Variants in ACTR3B observed in about 807,000 individuals in gnomAD.
ACTR3B encodes actin-related protein 3B.
Under a neutral mutation model 59.0 loss-of-function variants are expected in ACTR3B, and 8 were observed. The observed-to-expected ratio is 0.14, with a 90% CI of 0.08 to 0.24. The LOEUF is 0.24. ACTR3B is among the 10% of genes least tolerant of loss of function. The pLI is 1.00. For synonymous variants in ACTR3B, 148 were observed against 197.9 expected (o/e 0.75, Z 2.12); for missense variants, 245 against 552.3 (o/e 0.44, Z 5.58).
intron 2 of ACTR3B, 131 bp from the exon 3 acceptor site, chr7:152,800,400 A>G (rs2098231509): frequency 8.4e-7 from 1 of 1,192,508 alleles, no homozygotes; most frequent in African/African-American, 1.6e-5. Flanking sequence ...CTTTTCTGTG[A>G]GCACCCTTCA....
At chr7:152,761,927 G>C (rs2098090587) in intron 1 of ACTR3B, among the ~76,000 whole-genome samples, 1 of 152,150 alleles carries the variant, frequency 6.6e-6, no homozygotes, top group Admixed American at 6.5e-5. Context: ...CCGCACATTC[G>C]ACCTTAGTCT....
chr7:152,853,544 C>T lies in ACTR3B; in HGVS notation c.1128C>T (p.Ala376=), dbSNP rs774266078. 1.4e-5 allele frequency: 22 copies of T among 1,613,754 alleles called. No individual in the cohort carries two copies. Among genetic ancestry groups the T allele is most frequent in the Admixed American group, 1.0e-4 (6 of 59,946 alleles). ...QVVTHHMQRY[A]VWFGGSMLAS... The stretch of plus-strand genomic sequence containing the variant: ...TCACGCATCACATGCAGCGCTACGC[C>T]GTGTGGTTCGGAGGCTCCATGCTGG... The change falls in exon 11 of 12, where the codon GCC becomes GCT. Residue 376 remains alanine (A), a synonymous_variant. Coordinates refer to ENST00000256001, the MANE Select transcript of ACTR3B (RefSeq NM_020445.6).
intron 9 of ACTR3B, among the ~76,000 whole-genome samples, chr7:152,850,795 C>T (rs2117016004): frequency 6.6e-6 from 1 of 152,288 alleles, no homozygotes; most frequent in African/African-American, 2.4e-5. Context: ...CCTGTGACTT[C>T]TGCTTACCTG....
In ACTR3B at chr7:152,820,578, A is replaced by G. The variant is rs1458415105; in HGVS notation, c.684+136A>G. On this transcript the variant is annotated intron_variant, in intron 7 of 11. Transcript: ENST00000256001. ...ATGAATGTGGGGCTTGATTTGTTTT[A>G]CCCCTTAAGTGGGCTGAAGATGTAA... The G allele has an allele frequency of 9.7e-6, 14 of 1,440,416 alleles. No individual in the cohort carries two copies. In the Admixed American group the frequency reaches 1.3e-4, roughly 14 times the overall value. 89.2% of individuals were successfully genotyped at this position (1,440,416 alleles called of 1,614,324 possible).
At chr7:152,760,476 T>C (rs757858844) in intron 1 of ACTR3B, among the ~76,000 whole-genome samples, 1 of 152,184 alleles carries the variant, frequency 6.6e-6, no homozygotes. Flanking sequence ...GTGGAGAGAA[T>C]AGCATCGATC....
intron 6 of ACTR3B, among the ~76,000 whole-genome samples, chr7:152,817,174 C>T (rs1453403777): frequency 3.3e-5 from 5 of 152,116 alleles, no homozygotes; most frequent in African/African-American, 4.8e-5. Flanking sequence ...CACCTGAGGT[C>T]GGGAATTTGA....
At chr7:152,822,556 C>T (rs3793201) in intron 7 of ACTR3B, among the ~76,000 whole-genome samples, 2,238 of 152,324 alleles carry the variant, frequency 0.015, 36 homozygotes, top group African/African-American at 0.034. Context: ...CCTGACTCTG[C>T]TTTTCCTTTC....
rs1401548665 is a variant in ACTR3B, at chr7:152,824,390, CTG to C, written c.859-639_859-638del. ...GCAACTGAATATCCTCCTCCTTCCTCTGAGAGTGCACATTCAAGCTTACTTTG... is the reference window on the plus strand; with the variant it reads ...GCAACTGAATATCCTCCTCCTTCCTCAGAGTGCACATTCAAGCTTACTTTG... On this transcript the variant is annotated intron_variant, in intron 8 of 11. Transcript: ENST00000256001. The surrounding 1 kb of genome is among the most constrained non-coding windows in gnomAD (Gnocchi z 4.2). Among the ~76,000 whole-genome samples the C allele has an allele frequency of 2.6e-5, 4 of 152,234 alleles. No individual in the cohort carries two copies. Among genetic ancestry groups the C allele is most frequent in the Non-Finnish European group, 4.4e-5 (3 of 68,042 alleles).
intron 4 of ACTR3B, among the ~76,000 whole-genome samples, chr7:152,803,735 C>T (rs1021077065): frequency 2.3e-4 from 35 of 152,060 alleles, no homozygotes; most frequent in African/African-American, 8.2e-4. Flanking sequence ...TTGGTGTGAA[C>T]ATGGAAAAGG....
chr7:152,844,494 A>T (rs552734827), intron 9 of ACTR3B, among the ~76,000 whole-genome samples: 1 of 152,104 alleles, frequency 6.6e-6, no homozygotes, highest in Non-Finnish European at 1.5e-5. Context: ...AAAAAAATCT[A>T]GGTTGTTAGG....
chr7:152,848,204 T>G (rs1409504866), intron 9 of ACTR3B, among the ~76,000 whole-genome samples: 3 of 152,210 alleles, frequency 2.0e-5, no homozygotes, highest in African/African-American at 7.2e-5. Flanking sequence ...TTGGGAAGGA[T>G]GAGCTCACCA....
intron 2 of ACTR3B, among the ~76,000 whole-genome samples, chr7:152,794,272 C>G (rs1190612175): frequency 3.3e-5 from 5 of 152,166 alleles, no homozygotes; most frequent in African/African-American, 1.2e-4. Context: ...GGCTGGAGTG[C>G]AGTGGCGTGA....
At chr7:152,827,024 C>T (rs1276495151) in intron 9 of ACTR3B, among the ~76,000 whole-genome samples, 8 of 150,868 alleles carry the variant, frequency 5.3e-5, no homozygotes, top group Admixed American at 2.6e-4. Flanking sequence ...TTTTGTTGCC[C>T]GTGCTGGAGT....
chr7:152,772,101 G>A (rs2098125444), intron 1 of ACTR3B, among the ~76,000 whole-genome samples: 1 of 151,986 alleles, frequency 6.6e-6, no homozygotes, highest in Admixed American at 6.6e-5. Context: ...AAAGATAAAA[G>A]AATACTACAC....
chr7:152,773,321 C>T (rs1381001776), intron 1 of ACTR3B, among the ~76,000 whole-genome samples: 1 of 152,118 alleles, frequency 6.6e-6, no homozygotes, highest in Admixed American at 6.5e-5. Flanking sequence ...GACGCAGTGG[C>T]TCACGCCTGT....
Position 152,797,225 on chromosome 7 carries a change from A to T in ACTR3B, c.101-3306A>T, listed in dbSNP as rs561564232. 6.6e-5 allele frequency among the ~76,000 whole-genome samples: 10 copies of T among 152,106 alleles called. No homozygotes were observed. The East Asian group carries it at 1.9e-3, about 29-fold the overall frequency. On this transcript the variant is annotated intron_variant, in intron 2 of 11. Transcript: ENST00000256001. ...CTTTCAAGTAGCTAGGACTACAGGC[A>T]TGTGTGCCATTGTGCCTGGCTAATT... is the stretch of plus-strand genomic sequence containing the variant.
chr7:152,769,512 C>T (rs971002333), intron 1 of ACTR3B, among the ~76,000 whole-genome samples: 2 of 151,884 alleles, frequency 1.3e-5, no homozygotes, highest in Admixed American at 1.3e-4. Context: ...TATTGTTTTG[C>T]TTTTTAGTCA....
intron 2 of ACTR3B, among the ~76,000 whole-genome samples, chr7:152,793,842 G>A (rs1008878695): frequency 5.9e-5 from 9 of 151,382 alleles, no homozygotes; most frequent in Admixed American, 2.0e-4. Context: ...ACTCCAGCAG[G>A]GGAATGGGGA....
rs534828730 is a variant in ACTR3B at position 152,774,716 on chromosome 7, A to G, written c.45-8471A>G. The stretch of plus-strand genomic sequence containing the variant: ...GAAATAGAAAATTTAAGGACAGGCA[A>G]AGATACTGGATTTGGATAAAATATT... On this transcript the variant is annotated intron_variant, in intron 1 of 11. Transcript: ENST00000256001. Among the ~76,000 whole-genome samples the G allele has an allele frequency of 4.6e-4, 70 of 152,278 alleles. 3 individuals carry two copies. The highest frequency in any genetic ancestry group is 2.8e-4 in the Non-Finnish European group (19 of 68,024).
Sources: gnomAD v4.1 joint callset for allele counts (sites outside exome capture counted in the v4.1 genomes callset) on GRCh38, gnomAD v4.1.1 for gene constraint, Gnocchi (gnomAD v3.1) non-coding constraint, MANE v1.5 for transcripts, NCBI Gene and HGNC (gene_info 2026-07-23, HGNC 2026-07-21) for gene names.